ARID2: variants seen among roughly 807,000 people sequenced by gnomAD.
ARID2 encodes AT-rich interaction domain 2, also known as AT-rich interactive domain-containing protein 2.
ARID2 carries 32 observed loss-of-function variants against 184.6 expected under a neutral mutation model. The observed-to-expected ratio is 0.17, with a 90% CI of 0.13 to 0.23. ARID2 has a LOEUF of 0.23. ARID2 is among the 10% of genes least tolerant of loss of function. The probability of loss-of-function intolerance (pLI) is 1.00; values close to 1 mark genes in which losing one functional copy is unlikely to be tolerated. For synonymous variants in ARID2, 836 were observed against 772.6 expected (o/e 1.08, Z -1.36); for missense variants, 1,696 against 2,197.6 (o/e 0.77, Z 4.56).
chr12:45,733,887 TTA>T (rs1941054934), intron 3 of ARID2, among the ~76,000 whole-genome samples: 1 of 152,248 alleles, frequency 6.6e-6, no homozygotes, highest in Admixed American at 6.5e-5. Context: ...CAAAAATTTC[TTA>T]GAGTCTAAAA....
At chr12:45,871,445 T>C (rs1466855181) in intron 16 of ARID2, among the ~76,000 whole-genome samples, 1 of 152,222 alleles carries the variant, frequency 6.6e-6, no homozygotes. Context: ...CTTGTGTCCC[T>C]GTAATAAATT....
intron 3 of ARID2, among the ~76,000 whole-genome samples, chr12:45,767,728 CTG>C (rs1310168328): frequency 3.9e-5 from 6 of 152,174 alleles, no homozygotes; most frequent in African/African-American, 1.4e-4. Context: ...TGGGATGTAT[CTG>C]TGGAACTATA....
At chr12:45,765,307 A>G (rs28559312) in intron 3 of ARID2, among the ~76,000 whole-genome samples, 186 of 152,208 alleles carry the variant, frequency 1.2e-3, no homozygotes, top group African/African-American at 4.3e-3. Flanking sequence ...CCTGTGCTCA[A>G]GTGATCCTCC....
chr12:45,870,268 G>T (rs1043405140), intron 16 of ARID2, among the ~76,000 whole-genome samples: 1 of 152,110 alleles, frequency 6.6e-6, no homozygotes, highest in Non-Finnish European at 1.5e-5. Context: ...GATTACAGGC[G>T]TGAGCCACTG....
At chr12:45,886,185 G>C (rs1944186219) in intron 16 of ARID2, among the ~76,000 whole-genome samples, 1 of 151,466 alleles carries the variant, frequency 6.6e-6, no homozygotes, top group African/African-American at 2.5e-5. Flanking sequence ...CATTCCAAAT[G>C]GGAGAAATTG....
At chr12:45,788,318 A>C (rs1942233124) in intron 3 of ARID2, among the ~76,000 whole-genome samples, 2 of 152,162 alleles carry the variant, frequency 1.3e-5, no homozygotes, top group Admixed American at 6.5e-5. Context: ...GATTAGGTAG[A>C]TATTGTGTCT....
At chr12:45,844,945 G>A (rs1943415197) in intron 11 of ARID2, among the ~76,000 whole-genome samples, 1 of 152,208 alleles carries the variant, frequency 6.6e-6, no homozygotes, top group Non-Finnish European at 1.5e-5. Flanking sequence ...ATATTCTCAT[G>A]CAAAGCAGTT....
intron 3 of ARID2, among the ~76,000 whole-genome samples, chr12:45,800,538 TTA>T (rs1942477853): frequency 6.6e-6 from 1 of 152,154 alleles, no homozygotes; most frequent in African/African-American, 2.4e-5. Context: ...ATGCATTTGT[TTA>T]TATTTCTTAG....
intron 11 of ARID2, among the ~76,000 whole-genome samples, chr12:45,844,610 T>C (rs563592533): frequency 8.3e-4 from 127 of 152,336 alleles, no homozygotes; most frequent in African/African-American, 2.9e-3. Context: ...ATTCTCTCTT[T>C]AGTGTTCCAC....
rs76017277 is a variant in ARID2, at chr12:45,834,260, C to CT, written c.706-2317dup. The stretch of plus-strand genomic sequence containing the variant: ...GTATTTTTCTAAATTTTAAATTTAC[C>CT]TTTTTTTTTTTTCTACCCCATGACT... On this transcript the variant is annotated intron_variant, in intron 6 of 20. Transcript: ENST00000334344. 2.9e-3 allele frequency among the ~76,000 whole-genome samples: 423 copies of CT among 146,054 alleles called. 12 individuals are homozygous for CT. The South Asian group carries it at 0.07, about 24-fold the overall frequency.
chr12:45,860,393 C>G (rs1482788351), intron 15 of ARID2, among the ~76,000 whole-genome samples: 1 of 152,044 alleles, frequency 6.6e-6, no homozygotes, highest in African/African-American at 2.4e-5. Context: ...TTTAGAAAAT[C>G]TAAAAGTAAA....
intron 16 of ARID2, among the ~76,000 whole-genome samples, chr12:45,884,188 C>T (rs904777617): frequency 2.6e-5 from 4 of 152,028 alleles, no homozygotes; most frequent in Admixed American, 6.6e-5. Flanking sequence ...CTTGAGGTCA[C>T]GAGTTCAAGA....
In ARID2 at chr12:45,761,887, G is replaced by A. The variant is rs73290789; in HGVS notation, c.284+30573G>A. Among the ~76,000 whole-genome samples the A allele has an allele frequency of 5.4e-3, 820 of 151,914 alleles. 6 individuals are homozygous for A. Among genetic ancestry groups the A allele is most frequent in the African/African-American group, 0.019 (778 of 41,446 alleles). ...CTTTCCCCACCATATTTTAACTAGC[G>A]CTTTATTCATCTTTTTGTCGCTTTC... On this transcript the variant is annotated intron_variant, in intron 3 of 20. Coordinates refer to ENST00000334344, the MANE Select transcript of ARID2 (RefSeq NM_152641.4).
intron 3 of ARID2, among the ~76,000 whole-genome samples, chr12:45,747,596 T>A (rs1022468837): frequency 6.6e-6 from 1 of 152,172 alleles, no homozygotes; most frequent in Non-Finnish European, 1.5e-5. Flanking sequence ...TCTCAGCAAG[T>A]GGGAAATCTA....
At chr12:45,901,682 CAA>C (rs1414799666) in intron 20 of ARID2, among the ~76,000 whole-genome samples, 1 of 151,936 alleles carries the variant, frequency 6.6e-6, no homozygotes, top group African/African-American at 2.4e-5. Context: ...CCCCCCAAGA[CAA>C]GAGTCTTGCT....
chr12:45,784,995 T>C (rs1406384004), intron 3 of ARID2, among the ~76,000 whole-genome samples: 1 of 152,236 alleles, frequency 6.6e-6, no homozygotes, highest in Non-Finnish European at 1.5e-5. Context: ...GGAGCCTTTA[T>C]CTTTCTGTTA....
chr12:45,886,612 A>G (rs1944196077), intron 16 of ARID2, among the ~76,000 whole-genome samples: 1 of 152,182 alleles, frequency 6.6e-6, no homozygotes, highest in Non-Finnish European at 1.5e-5. Flanking sequence ...TTGGACATCC[A>G]GATGTTTCCA....
rs763200271 is a variant in ARID2 at position 45,850,095 on chromosome 12, C to A, written c.1972C>A (p.Gln658Lys). ...NHFQRTPVAN[Q>K]SSNLTATQMS... ...TTTTCAGAGGACTCCTGTTGCCAAC[C>A]AATCTTCAAATCTGACTGCAACACA... The change falls in exon 15 of 21, where the codon CAA becomes AAA. Residue 658 changes from glutamine (Q) to lysine (K), a missense_variant. Physicochemically the swap from Gln to Lys is moderately conservative, Grantham distance 53. Around this residue, in one of 11 missense-constraint regions of ARID2, gnomAD observed 713 missense variants for 824.4 expected, o/e 0.86. Coordinates refer to ENST00000334344, the MANE Select transcript of ARID2 (RefSeq NM_152641.4). The A allele has an allele frequency of 1.2e-6, 2 of 1,613,986 alleles. No individual in the cohort carries two copies. The highest frequency in any genetic ancestry group is 1.1e-5 in the South Asian group (1 of 91,068).
In ARID2 at chr12:45,779,914, A is replaced by T. The variant is rs373945018; in HGVS notation, c.285-31504A>T. Among the ~76,000 whole-genome samples, 3 of 152,272 alleles carry T rather than the reference A, an allele frequency of 2.0e-5. No individual in the cohort carries two copies. The South Asian group carries it at 6.2e-4, about 32-fold the overall frequency. The stretch of plus-strand genomic sequence containing the variant: ...CTGCTTTGAAATTAGACTTTTTAGT[A>T]ACTTATTAAGATTATGTCATTTGCT... On this transcript the variant is annotated intron_variant, in intron 3 of 20. Transcript: ENST00000334344.
Sources: allele counts gnomAD v4.1 joint callset (sites outside exome capture counted in the v4.1 genomes callset), GRCh38; gene constraint gnomAD v4.1.1; regional missense constraint gnomAD v4.1.1; transcripts MANE v1.5; gene names NCBI Gene and HGNC (gene_info 2026-07-23, HGNC 2026-07-21).